RAD51C: variants seen among roughly 807,000 people sequenced by gnomAD.
RAD51C encodes DNA repair protein RAD51 homolog 3.
RAD51C carries 42 observed loss-of-function variants against 45.0 expected under a neutral mutation model. The observed-to-expected ratio is 0.93, with a 90% confidence interval of 0.73 to 1.21. The LOEUF (loss-of-function observed/expected upper bound fraction) is 1.21. RAD51C is among the 50% of genes most tolerant of loss of function. RAD51C has a pLI of 0.00. For synonymous variants in RAD51C, 172 were observed against 159.8 expected, an observed-to-expected ratio of 1.08 and a Z score of -0.58; for missense variants, 474 against 452.2, an observed-to-expected ratio of 1.05 and a Z score of -0.44.
In RAD51C at chr17:58,709,883, A is replaced by G. The variant is rs199886026; in HGVS notation, c.730A>G (p.Ile244Val). The G allele has an allele frequency of 7.4e-5, 119 of 1,609,758 alleles. No individual in the cohort carries two copies. The highest frequency in any genetic ancestry group is 2.7e-4 in the South Asian group (25 of 90,980). The change falls in exon 5 of 9, where the codon ATT becomes GTT. Residue 244 changes from isoleucine to valine, a missense_variant. Coordinates refer to ENST00000337432, the MANE Select transcript of RAD51C (RefSeq NM_058216.3). Reference sequence around the variant, plus strand: ...GGTTCGACTAGTGATAGTGGATGGTATTGCTTTTCCATTTCGTCATGACCT... The same window carrying G: ...GGTTCGACTAGTGATAGTGGATGGTGTTGCTTTTCCATTTCGTCATGACCT... The part of the protein sequence containing the change: ...SKVRLVIVDG[I>V]AFPFRHDLDD...
At chr17:58,706,636 G>C (rs1428274795) in intron 4 of RAD51C, 2 of 367,326 alleles carry the variant, frequency 5.4e-6, no homozygotes, top group Admixed American at 7.2e-5. Flanking sequence ...GAGGATCTGT[G>C]ATCCCCTTTG....
intron 6 of RAD51C, 121 bp from the exon 7 acceptor site, chr17:58,723,919 G>A (rs2049013491): frequency 5.5e-6 from 5 of 912,994 alleles, no homozygotes; most frequent in Admixed American, 2.1e-5. Flanking sequence ...TTTTTTGAAA[G>A]CAAGTATACT....
intron 7 of RAD51C, among the ~76,000 whole-genome samples, chr17:58,727,586 T>C (rs1183390364): frequency 6.6e-6 from 1 of 152,116 alleles, no homozygotes; most frequent in Non-Finnish European, 1.5e-5. Flanking sequence ...GCTGTGGATA[T>C]ATGATAAATA....
intron 1 of RAD51C, chr17:58,693,004 C>T: frequency 1.6e-6 from 1 of 632,880 alleles, no homozygotes. Flanking sequence ...ATTGCTTTTC[C>T]TCTGGCAATG....
intron 4 of RAD51C, chr17:58,706,612 A>G (rs1036865352): frequency 2.5e-5 from 10 of 405,180 alleles, no homozygotes; most frequent in Non-Finnish European, 4.6e-5. Context: ...GCTTATGGTA[A>G]GAGTGACAGC....
rs730881937 is a variant in RAD51C, at chr17:58,692,675, A to G, written c.32A>G (p.Gln11Arg). 3.7e-6 allele frequency: 6 copies of G among 1,614,234 alleles called. No homozygotes were observed. The highest frequency in any genetic ancestry group is 5.1e-6 in the Non-Finnish European group (6 of 1,180,040). Residue 11 changes from glutamine to arginine, a missense_variant, in exon 1 of 9, where the codon CAG becomes CGG. Coordinates refer to ENST00000337432, the MANE Select transcript of RAD51C (RefSeq NM_058216.3). MRGKTFRFEM[Q>R]RDLVSFPLSP... ...GGGAAGACGTTCCGCTTTGAAATGCAGCGGGATTTGGTGAGTTTCCCGCTG... is the reference window on the plus strand; with the variant it reads ...GGGAAGACGTTCCGCTTTGAAATGCGGCGGGATTTGGTGAGTTTCCCGCTG...
chr17:58,692,789 G>GC lies in RAD51C; in HGVS notation c.145+1_145+2insC. The GC allele has an allele frequency of 1.9e-6, 3 of 1,614,194 alleles. No homozygotes were observed. Among genetic ancestry groups the GC allele is most frequent in the Non-Finnish European group, 2.5e-6 (3 of 1,180,030 alleles). ...GTGAAACCCTCCGAGCTTAGCAAAG[G>GC]TAACGACTCCTGATGGCAAGCTGAG... On this transcript the variant is annotated splice_donor_variant, in intron 1 of 8. Transcript: ENST00000337432. LOFTEE classifies it high-confidence loss of function.
chr17:58,730,478 C>T (rs2049377522), intron 7 of RAD51C, among the ~76,000 whole-genome samples: 1 of 151,932 alleles, frequency 6.6e-6, no homozygotes, highest in African/African-American at 2.4e-5. Flanking sequence ...CACCCAGCCT[C>T]AACATAGCTA....
chr17:58,729,383 A>G (rs943860032), intron 7 of RAD51C, among the ~76,000 whole-genome samples: 1 of 151,122 alleles, frequency 6.6e-6, no homozygotes, highest in African/African-American at 2.4e-5. Flanking sequence ...ACGCCTGGCT[A>G]ATTTTTTGTA....
chr17:58,712,344 C>CAAA (rs5821244), intron 5 of RAD51C, among the ~76,000 whole-genome samples: 34 of 83,054 alleles, frequency 4.1e-4, no homozygotes, highest in African/African-American at 6.7e-4. Context: ...CACTCCATCT[C>CAAA]AAAAAAAAAA....
chr17:58,694,479 ATTTTTT>A (rs35324884), intron 1 of RAD51C: 3 of 148,188 alleles, frequency 2.0e-5, no homozygotes, highest in Non-Finnish European at 2.9e-5. Context: ...ATTAAGCTGA[ATTTTTT>A]TTTTTTTTTT....
In RAD51C at chr17:58,709,871, A is replaced by T. The variant is rs863224806; in HGVS notation, c.718A>T (p.Ile240Leu). The T allele has an allele frequency of 1.0e-5, 16 of 1,607,524 alleles. No homozygotes were observed. Among genetic ancestry groups the T allele is most frequent in the Non-Finnish European group, 1.3e-5 (15 of 1,174,332 alleles). ...LSEHSKVRLV[I>L]VDGIAFPFRH... The stretch of plus-strand genomic sequence containing the variant: ...CTTCTGTATTTAGGTTCGACTAGTG[A>T]TAGTGGATGGTATTGCTTTTCCATT... Residue 240 changes from isoleucine to leucine, a missense_variant, in exon 5 of 9, where the codon ATA becomes TTA. Physicochemically the swap from Ile to Leu is conservative, Grantham distance 5. Transcript: ENST00000337432.
intron 8 of RAD51C, among the ~76,000 whole-genome samples, chr17:58,732,960 A>G (rs2049495603): frequency 6.6e-6 from 1 of 152,174 alleles, no homozygotes; most frequent in Non-Finnish European, 1.5e-5. Flanking sequence ...ATCATAGAAC[A>G]CACATTTTTT....
In RAD51C at chr17:58,735,422, C is replaced by G. The variant is rs1171662982; in HGVS notation, c.*1200C>G. 1.3e-5 allele frequency: 2 copies of G among 152,182 alleles called. No homozygotes were observed. The highest frequency in any genetic ancestry group is 2.4e-5 in the African/African-American group (1 of 41,422). 9.4% of individuals were successfully genotyped at this position (152,182 alleles called of 1,614,324 possible). On this transcript the variant is annotated 3_prime_UTR_variant, in exon 9 of 9. Transcript: ENST00000337432. ...ATGTTGCCCAGGCTGGTCTCAAACT[C>G]CTGGTCTCAAGCGATCCTCTTGCCT...
At chr17:58,695,383 C>G in intron 2 of RAD51C, 194 bp downstream of exon 2, 2 of 1,344,924 alleles carry the variant, frequency 1.5e-6, no homozygotes, top group South Asian at 1.9e-5. Context: ...TGCAATTATT[C>G]TGATGTGAAA....
At chr17:58,697,039 T>C (rs929116648) in intron 3 of RAD51C, among the ~76,000 whole-genome samples, 180 bp downstream of exon 3, 1 of 152,006 alleles carries the variant, frequency 6.6e-6, no homozygotes, top group Non-Finnish European at 1.5e-5. Flanking sequence ...TGGACTGGCT[T>C]TTTTTTGTTC....
intron 8 of RAD51C, among the ~76,000 whole-genome samples, chr17:58,733,361 A>G (rs960080696): frequency 2.6e-5 from 4 of 152,182 alleles, no homozygotes; most frequent in African/African-American, 9.7e-5. Flanking sequence ...AGATTCTGAA[A>G]CTGAATTATC....
rs764394130 is a variant in RAD51C, at chr17:58,692,678, G to C, written c.35G>C (p.Arg12Pro). The change falls in exon 1 of 9, where the codon CGG becomes CCG. Residue 12 changes from arginine to proline, a missense_variant. Coordinates refer to ENST00000337432, the MANE Select transcript of RAD51C (RefSeq NM_058216.3). ...AAGACGTTCCGCTTTGAAATGCAGCGGGATTTGGTGAGTTTCCCGCTGTCT... is the reference window on the plus strand; with the variant it reads ...AAGACGTTCCGCTTTGAAATGCAGCCGGATTTGGTGAGTTTCCCGCTGTCT... ...RGKTFRFEMQ[R>P]DLVSFPLSPA... 1.9e-6 allele frequency: 3 copies of C among 1,614,230 alleles called. No individual in the cohort carries two copies. The South Asian group carries it at 3.3e-5, about 18-fold the overall frequency.
chr17:58,709,236 G>A (rs1182095731), intron 4 of RAD51C, among the ~76,000 whole-genome samples: 2 of 151,546 alleles, frequency 1.3e-5, no homozygotes, highest in African/African-American at 4.9e-5. Flanking sequence ...CTGCCACTGT[G>A]CCTGGCTAAT....
Sources: allele counts gnomAD v4.1 joint callset (sites outside exome capture counted in the v4.1 genomes callset), GRCh38; gene constraint gnomAD v4.1.1; transcripts MANE v1.5; gene names NCBI Gene and HGNC (gene_info 2026-07-23, HGNC 2026-07-21).